Variants in AMZ1 observed in about 807,000 individuals in gnomAD.
AMZ1 encodes the protein archaelysin family metallopeptidase 1.
In AMZ1, 39 loss-of-function variants were observed where a neutral mutation model predicts 29.9. That is an observed-to-expected ratio of 1.30 (90% confidence interval 1.01 to 1.70). AMZ1 has a LOEUF of 1.70. AMZ1 is among the 40% of genes most tolerant of loss of function. The probability of loss-of-function intolerance (pLI) is 0.00; values close to 1 mark genes in which losing one functional copy is unlikely to be tolerated. For synonymous variants in AMZ1, 458 were observed against 304.0 expected (o/e 1.51, Z -5.27); for missense variants, 1,041 against 680.6 (o/e 1.53, Z -5.89).
chr7:2,718,505 T>C lies in AMZ1; in HGVS notation c.*5627T>C, dbSNP rs370607875. ...GACGTGTTTTGTTCAGCCCTGACTC[T>C]TGGACGCTGGTGGCAGCCGCGGGCG... is the stretch of plus-strand genomic sequence containing the variant. On this transcript the variant is annotated 3_prime_UTR_variant, in exon 7 of 7. Coordinates refer to ENST00000683327, the MANE Select transcript of AMZ1 (RefSeq NM_001384743.1). Among the ~76,000 whole-genome samples the C allele has an allele frequency of 2.0e-4, 31 of 152,342 alleles. 1 individual carries two copies. In the East Asian group the frequency reaches 5.0e-3, roughly 25 times the overall value.
chr7:2,692,915 G>C (rs1004201391), intron 1 of AMZ1, among the ~76,000 whole-genome samples: 4 of 152,088 alleles, frequency 2.6e-5, no homozygotes, highest in African/African-American at 7.2e-5. Context: ...TGTCCCCTGA[G>C]CCCCCAGACG....
At chr7:2,703,672 G>T (rs1012512410) in intron 3 of AMZ1, among the ~76,000 whole-genome samples, 1 of 152,118 alleles carries the variant, frequency 6.6e-6, no homozygotes, top group Non-Finnish European at 1.5e-5. Context: ...TGGAATGAGC[G>T]GATGGACAGC....
At chr7:2,733,933 T>C (rs1315551012) in intron 4 of AMZ1, among the ~76,000 whole-genome samples, 5 of 152,238 alleles carry the variant, frequency 3.3e-5, no homozygotes. Context: ...CAAGACATTG[T>C]CCTTAAAGAC....
chr7:2,752,257 C>A (rs143708369), intron 4 of AMZ1, among the ~76,000 whole-genome samples: 2 of 151,984 alleles, frequency 1.3e-5, no homozygotes, highest in Non-Finnish European at 2.9e-5. Context: ...AAAAAAAAGT[C>A]CTCTCTCACC....
intron 4 of AMZ1, among the ~76,000 whole-genome samples, chr7:2,752,725 T>A (rs976585713): frequency 1.8e-4 from 28 of 152,340 alleles, no homozygotes; most frequent in African/African-American, 6.7e-4. Context: ...ACGTGAATTT[T>A]TTTTTGCCGT....
At chr7:2,709,023 C>T (rs1470716783) in intron 4 of AMZ1, 52 bp from the exon 5 acceptor site, 7 of 1,518,110 alleles carry the variant, frequency 4.6e-6, no homozygotes, top group Admixed American at 2.2e-5. Context: ...CGGTGGGCCC[C>T]CCAGAGCCAA....
upstream of AMZ1, among the ~76,000 whole-genome samples, chr7:2,683,291 A>G (rs952873071): frequency 5.9e-5 from 9 of 152,248 alleles, no homozygotes; most frequent in East Asian, 1.5e-3. Context: ...ACTTCTGCAG[A>G]GGGCTCCAGG....
At chr7:2,706,778 C>G (rs1164903612) in intron 3 of AMZ1, among the ~76,000 whole-genome samples, 1 of 152,238 alleles carries the variant, frequency 6.6e-6, no homozygotes, top group South Asian at 2.1e-4. Flanking sequence ...TTAGGACTTC[C>G]ACCTGTCTTT....
At chr7:2,688,358 G>T (rs962951534) in intron 1 of AMZ1, 62 bp downstream of exon 1, 3 of 151,724 alleles carry the variant, frequency 2.0e-5, no homozygotes, top group African/African-American at 7.2e-5. Context: ...CCGTGCCGGG[G>T]CGGGTGGGTA....
chr7:2,728,327 CTTCT>C, intron 4 of AMZ1: 1 of 152,314 alleles, frequency 6.6e-6, no homozygotes, highest in South Asian at 2.1e-4. Context: ...AACTAATAAT[CTTCT>C]TTCAAGAGTT....
chr7:2,739,061 G>A (rs992791561), intron 4 of AMZ1, among the ~76,000 whole-genome samples: 6 of 152,210 alleles, frequency 3.9e-5, no homozygotes, highest in African/African-American at 1.4e-4. Context: ...GTAAGCTCAG[G>A]CTCCGCAGGG....
intron 4 of AMZ1, among the ~76,000 whole-genome samples, chr7:2,758,843 G>A (rs1007348656): frequency 6.6e-6 from 1 of 152,188 alleles, no homozygotes; most frequent in Non-Finnish European, 1.5e-5. Context: ...ATCACCGCAT[G>A]TATCAACATG....
intron 4 of AMZ1, chr7:2,729,780 A>C (rs772280992): frequency 1.3e-5 from 2 of 152,366 alleles, no homozygotes; most frequent in Non-Finnish European, 2.9e-5. Flanking sequence ...ACATCCCAAA[A>C]CACACTAGGC....
chr7:2,742,549 G>A lies in AMZ1; in HGVS notation n.551-22163G>A, dbSNP rs557265927. 1.8e-4 allele frequency among the ~76,000 whole-genome samples: 27 copies of A among 152,280 alleles called. No individual in the cohort carries two copies. In the South Asian group the frequency reaches 5.2e-3, roughly 29 times the overall value. On this transcript the variant is annotated intron_variant and non_coding_transcript_variant, in intron 4 of 4. Coordinates refer to the AMZ1 transcript ENST00000489665. Reference sequence around the variant, plus strand: ...TTTCCAGGGGCTGTAATTCATCTCTGTCCTCGCTTACTTTGGTGCTCAAAG... The same window carrying A: ...TTTCCAGGGGCTGTAATTCATCTCTATCCTCGCTTACTTTGGTGCTCAAAG...
chr7:2,728,127 C>CT, intron 4 of AMZ1: 1 of 151,820 alleles, frequency 6.6e-6, no homozygotes, highest in South Asian at 2.1e-4. Flanking sequence ...CAAAGAAAGA[C>CT]TAAATTTATT....
intron 1 of AMZ1, among the ~76,000 whole-genome samples, chr7:2,693,166 A>T (rs907816890): frequency 2.6e-5 from 4 of 152,170 alleles, no homozygotes; most frequent in Non-Finnish European, 5.9e-5. Context: ...CAGTGGCGCG[A>T]TTTCGGCTCA....
chr7:2,696,664 C>G (rs952642982), intron 1 of AMZ1, among the ~76,000 whole-genome samples: 2 of 151,804 alleles, frequency 1.3e-5, no homozygotes, highest in African/African-American at 4.8e-5. Context: ...GTGGGCAGAT[C>G]ACCTTGAGGT....
At chr7:2,679,835 T>C (rs1786820482) in intron 1 of AMZ1, among the ~76,000 whole-genome samples, 1 of 152,220 alleles carries the variant, frequency 6.6e-6, no homozygotes, top group African/African-American at 2.4e-5. Context: ...GGACAGAGTC[T>C]GGAGCCCGGG....
At chr7:2,738,011 G>A (rs928780277) in intron 4 of AMZ1, among the ~76,000 whole-genome samples, 2 of 152,126 alleles carry the variant, frequency 1.3e-5, no homozygotes, top group African/African-American at 4.8e-5. Flanking sequence ...CCACAGCTGT[G>A]AAAGTATTCT....
Sources: allele counts gnomAD v4.1 joint callset (sites outside exome capture counted in the v4.1 genomes callset), GRCh38; gene constraint gnomAD v4.1.1; transcripts MANE v1.5; gene names NCBI Gene and HGNC (gene_info 2026-07-23, HGNC 2026-07-21).